Variants in MGMT observed in about 807,000 individuals in gnomAD.
The protein encoded by MGMT is O-6-methylguanine-DNA methyltransferase.
A neutral mutation model predicts 15.9 loss-of-function variants in MGMT; 14 were observed. The ratio of observed to expected loss-of-function variants is 0.88; its 90% confidence interval spans 0.58 to 1.37. The LOEUF (loss-of-function observed/expected upper bound fraction) is 1.37, where lower values mean the gene tolerates loss of function less well. Ranked by LOEUF, MGMT falls within the 40% of genes most tolerant of loss-of-function variation. MGMT has a pLI of 0.00. For synonymous variants in MGMT, 130 were observed against 118.2 expected (o/e 1.10, Z -0.65); for missense variants, 282 against 268.1 (o/e 1.05, Z -0.36).
At chr10:129,710,173 G>GGTGACCAGGAAGACCTCAGAGTA (rs1343446586) in intron 3 of MGMT, among the ~76,000 whole-genome samples, 20 of 152,166 alleles carry the variant, frequency 1.3e-4, no homozygotes. Context: ...GATAGGTCTT[G>GGTGACCAGGAAGACCTCAGAGTA]GTGACCAGGA....
At chr10:129,574,268 T>C (rs12251756) in intron 2 of MGMT, among the ~76,000 whole-genome samples, 1,769 of 152,308 alleles carry the variant, frequency 0.012, 20 homozygotes, top group Non-Finnish European at 0.019. Context: ...CTTTTCTGTT[T>C]TCACAGTAAC....
chr10:129,734,127 C>T (rs373835154), intron 3 of MGMT, among the ~76,000 whole-genome samples: 33 of 149,284 alleles, frequency 2.2e-4, no homozygotes, highest in African/African-American at 6.6e-4. Context: ...GGGGATGGCA[C>T]TGAATCTGTA....
chr10:129,561,826 A>G (rs1459098399), intron 2 of MGMT, among the ~76,000 whole-genome samples: 1 of 151,960 alleles, frequency 6.6e-6, no homozygotes, highest in Non-Finnish European at 1.5e-5. Flanking sequence ...ACATTTGCTT[A>G]TGATTAAAAA....
intron 2 of MGMT, among the ~76,000 whole-genome samples, chr10:129,692,615 G>T (rs1019813666): frequency 6.6e-6 from 1 of 152,222 alleles, no homozygotes; most frequent in Non-Finnish European, 1.5e-5. Context: ...CCATCGTTGA[G>T]GGATGGGGAC....
chr10:129,701,006 A>C (rs1375794700), intron 2 of MGMT: 1 of 152,168 alleles, frequency 6.6e-6, no homozygotes, highest in Non-Finnish European at 1.5e-5. Flanking sequence ...GGCCCTCCAC[A>C]CCAGGTTCTG....
chr10:129,562,374 T>C (rs1846291058), intron 2 of MGMT, among the ~76,000 whole-genome samples: 1 of 152,218 alleles, frequency 6.6e-6, no homozygotes, highest in African/African-American at 2.4e-5. Flanking sequence ...CCCACCTGAT[T>C]ACAGTGGGCT....
chr10:129,726,226 C>A (rs936293605), intron 3 of MGMT, among the ~76,000 whole-genome samples: 2 of 152,102 alleles, frequency 1.3e-5, no homozygotes, highest in African/African-American at 4.8e-5. Context: ...TGATCCTTGG[C>A]ACAGATGAGA....
chr10:129,678,609 C>T (rs993964962), intron 2 of MGMT, among the ~76,000 whole-genome samples: 2 of 152,176 alleles, frequency 1.3e-5, no homozygotes, highest in African/African-American at 4.8e-5. Context: ...AGGAGACACA[C>T]TGTAAGTTAT....
rs186050433 is a variant in MGMT, at chr10:129,467,378, C to T, written c.-13+82C>T. 1,988 of 1,398,210 alleles carry T rather than the reference C, an allele frequency of 1.4e-3. 24 individuals are homozygous for T. The African/African-American group carries it at 0.024, about 17-fold the overall frequency. The allele number at this position is 1,398,210 out of a possible 1,614,324, so 86.6% of individuals were successfully genotyped here. On this transcript the variant is annotated intron_variant, in intron 1 of 4. Transcript: ENST00000651593. ...TGGCAGCCTCGAGTGGTCCTGCAGG[C>T]GCCCTCACTTCGCCGTCGGGTGTGG...
intron 2 of MGMT, among the ~76,000 whole-genome samples, chr10:129,680,058 G>A (rs1458031672): frequency 6.6e-6 from 1 of 152,234 alleles, no homozygotes; most frequent in Non-Finnish European, 1.5e-5. Context: ...GTACAATGGT[G>A]CAATTCAGTG....
At position 129,680,088 on chromosome 10, in the gene MGMT, G is replaced by A. The variant is rs146678623; in HGVS notation, c.126-27807G>A. Among the ~76,000 whole-genome samples, 15 of 152,308 alleles carry A rather than the reference G, an allele frequency of 9.8e-5. No homozygotes were observed. The South Asian group carries it at 1.0e-3, about 11-fold the overall frequency. On this transcript the variant is annotated intron_variant, in intron 2 of 4. Coordinates refer to ENST00000651593, the MANE Select transcript of MGMT (RefSeq NM_002412.5). ...TCAGTGGCCAACGAGCCCAGCAGTC[G>A]CAGACCCCATACATTCCTCTCGTTC... is the stretch of plus-strand genomic sequence containing the variant.
intron 1 of MGMT, among the ~76,000 whole-genome samples, chr10:129,520,263 G>T (rs528181107): frequency 6.6e-6 from 1 of 152,292 alleles, no homozygotes; most frequent in South Asian, 2.1e-4. Context: ...CGCTGGCACA[G>T]CTACCTGACC....
intron 3 of MGMT, among the ~76,000 whole-genome samples, chr10:129,725,143 G>A (rs1399543481): frequency 6.6e-6 from 1 of 152,238 alleles, no homozygotes; most frequent in African/African-American, 2.4e-5. Flanking sequence ...GAGTGGCCTT[G>A]GGAGGTGAGT....
intron 2 of MGMT, among the ~76,000 whole-genome samples, chr10:129,678,199 C>G (rs559230796): frequency 2.0e-5 from 3 of 152,232 alleles, no homozygotes; most frequent in Non-Finnish European, 4.4e-5. Context: ...CTTTGGGGCC[C>G]CTGTTTTGGA....
At chr10:129,522,504 C>T (rs529240745) in intron 1 of MGMT, among the ~76,000 whole-genome samples, 1 of 152,336 alleles carries the variant, frequency 6.6e-6, no homozygotes, top group South Asian at 2.1e-4. Flanking sequence ...TCTGCGCACA[C>T]AAGGGTTTGG....
At chr10:129,605,097 A>G (rs1589889882) in intron 2 of MGMT, among the ~76,000 whole-genome samples, 1 of 152,228 alleles carries the variant, frequency 6.6e-6, no homozygotes, top group Non-Finnish European at 1.5e-5. Context: ...CTTAAATAAG[A>G]GCACTTTAAG....
chr10:129,499,582 C>G (rs182845127), intron 1 of MGMT, among the ~76,000 whole-genome samples: 250 of 152,336 alleles, frequency 1.6e-3, no homozygotes, highest in South Asian at 3.5e-3. Flanking sequence ...TAATTCATAT[C>G]TTATACCTAC....
At position 129,659,478 on chromosome 10, in the gene MGMT, T is replaced by C. The variant is rs1847571554; in HGVS notation, c.126-48417T>C. On this transcript the variant is annotated intron_variant, in intron 2 of 4. Coordinates refer to ENST00000651593, the MANE Select transcript of MGMT (RefSeq NM_002412.5). This position sits in a 1 kb window ranked among gnomAD's most constrained non-coding sequence, Gnocchi z 4.1. ...CCACGGCGTAAGGGAGTTAGCTTCA[T>C]GGCAAGCTCTCTGGAGAACACAGGC... Among the ~76,000 whole-genome samples, 1 of 152,136 alleles carries C rather than the reference T, an allele frequency of 6.6e-6. No homozygotes were observed. The highest frequency in any genetic ancestry group is 1.5e-5 in the Non-Finnish European group (1 of 68,018).
At chr10:129,549,921 A>G (rs1182791603) in intron 2 of MGMT, among the ~76,000 whole-genome samples, 1 of 152,194 alleles carries the variant, frequency 6.6e-6, no homozygotes, top group East Asian at 1.9e-4. Flanking sequence ...AGAGGTATAA[A>G]TTACAGAGAA....
Sources: allele counts gnomAD v4.1 joint callset (sites outside exome capture counted in the v4.1 genomes callset), GRCh38; gene constraint gnomAD v4.1.1; non-coding constraint Gnocchi (gnomAD v3.1); transcripts MANE v1.5; gene names NCBI Gene and HGNC (gene_info 2026-07-23, HGNC 2026-07-21).